Variants in CSPP1 observed in about 807,000 individuals in gnomAD.
CSPP1 encodes the protein centrosome and spindle pole associated protein 1.
CSPP1 carries 126 observed loss-of-function variants against 164.4 expected under a neutral mutation model. That is an observed-to-expected ratio of 0.77 (90% confidence interval 0.66 to 0.89). The LOEUF is 0.89. Among genes scored for constraint, CSPP1 ranks in the 40% least tolerant of loss-of-function variants. The pLI is 0.00. For synonymous variants in CSPP1, 472 were observed against 476.7 expected (o/e 0.99, Z 0.13); for missense variants, 1,395 against 1,449.8 (o/e 0.96, Z 0.61).
chr8:67,164,860 A>G lies in CSPP1; in HGVS notation c.2828+352A>G, dbSNP rs190456928. ...TTGCCAGGAGTCATAAATTTCATGA[A>G]GCAGTGTTCTTCAAACTTCAGTTTG... On this transcript the variant is annotated intron_variant, in intron 24 of 30. Transcript: ENST00000678616. Among the ~76,000 whole-genome samples the G allele has an allele frequency of 5.4e-4, 82 of 152,366 alleles. No homozygotes were observed. In the East Asian group the frequency reaches 0.015, roughly 29 times the overall value.
intron 1 of CSPP1, among the ~76,000 whole-genome samples, chr8:67,071,373 T>TA (rs1806739668): frequency 6.7e-6 from 1 of 150,346 alleles, no homozygotes; most frequent in African/African-American, 2.5e-5. Context: ...TTATTCCCTC[T>TA]GTTTTTTTTT....
At chr8:67,078,931 C>G (rs1303986263) in intron 3 of CSPP1, among the ~76,000 whole-genome samples, 1 of 151,968 alleles carries the variant, frequency 6.6e-6, no homozygotes, top group East Asian at 1.9e-4. Context: ...GAGATCATGC[C>G]CCTGCACTCC....
intron 17 of CSPP1, among the ~76,000 whole-genome samples, chr8:67,145,396 CT>C: frequency 6.6e-6 from 1 of 151,950 alleles, no homozygotes; most frequent in Admixed American, 6.6e-5. Flanking sequence ...ATAGAATCAG[CT>C]TTAGTTTTCA....
At chr8:67,071,523 A>G (rs917702369) in intron 1 of CSPP1, among the ~76,000 whole-genome samples, 1 of 152,128 alleles carries the variant, frequency 6.6e-6, no homozygotes, top group Non-Finnish European at 1.5e-5. Flanking sequence ...TAGTTAATGT[A>G]GTTCATTTTC....
intron 4 of CSPP1, among the ~76,000 whole-genome samples, chr8:67,088,562 A>G (rs1810908781): frequency 6.9e-6 from 1 of 145,694 alleles, no homozygotes; most frequent in South Asian, 2.5e-4. Flanking sequence ...TGCTGGGATT[A>G]CAGGCATGAG....
intron 24 of CSPP1, among the ~76,000 whole-genome samples, chr8:67,172,006 C>A (rs1418653586): frequency 1.3e-5 from 2 of 151,712 alleles, no homozygotes; most frequent in Non-Finnish European, 2.9e-5. Flanking sequence ...CGCCATCACA[C>A]CCAGCTAATT....
rs145948171 is a variant in CSPP1, at chr8:67,175,800, T to C, written c.3109+364T>C. On this transcript the variant is annotated intron_variant, in intron 26 of 30. Coordinates refer to ENST00000678616, the MANE Select transcript of CSPP1 (RefSeq NM_001382391.1). ...TGTCGGGCATTTGCCTACTGTGCCA[T>C]GTCAGGCATTTGTCTACTGTGGTGT... 1.5e-3 allele frequency among the ~76,000 whole-genome samples: 232 copies of C among 152,378 alleles called. 2 individuals are homozygous for C. Among genetic ancestry groups the C allele is most frequent in the East Asian group, 0.014 (71 of 5,188 alleles).
At chr8:67,151,902 AC>A in intron 18 of CSPP1, among the ~76,000 whole-genome samples, 1 of 151,952 alleles carries the variant, frequency 6.6e-6, no homozygotes, top group Non-Finnish European at 1.5e-5. Context: ...ATCCTGGCCT[AC>A]ATGGTGAAAC....
chr8:67,163,308 G>C lies in CSPP1; in HGVS notation c.2644-424G>C, dbSNP rs181227272. Among the ~76,000 whole-genome samples, 35 of 152,288 alleles carry C rather than the reference G, an allele frequency of 2.3e-4. 1 individual carries two copies. Among genetic ancestry groups the C allele is most frequent in the African/African-American group, 6.5e-4 (27 of 41,568 alleles). Reference sequence around the variant, plus strand: ...CAGCTGTGAAGGGAAGGACAGAATGGACAGGAGACAGTGAGCAATGAAGGA... The same window carrying C: ...CAGCTGTGAAGGGAAGGACAGAATGCACAGGAGACAGTGAGCAATGAAGGA... On this transcript the variant is annotated intron_variant, in intron 22 of 30. Transcript: ENST00000678616.
chr8:67,165,030 T>C (rs565156046), intron 24 of CSPP1, among the ~76,000 whole-genome samples: 1 of 152,350 alleles, frequency 6.6e-6, no homozygotes, highest in Admixed American at 6.5e-5. Flanking sequence ...ACGCCTGTAA[T>C]CCCAGCACTT....
chr8:67,143,991 T>C (rs1824004882), intron 17 of CSPP1, among the ~76,000 whole-genome samples: 1 of 152,236 alleles, frequency 6.6e-6, no homozygotes, highest in Admixed American at 6.5e-5. Flanking sequence ...TAAGAATTCA[T>C]GAGCGCAGAC....
At position 67,103,145 on chromosome 8, in the gene CSPP1, G is replaced by A. The variant is rs1454694512; in HGVS notation, c.1022+10G>A. 1.3e-6 allele frequency: 2 copies of A among 1,501,880 alleles called. No individual in the cohort carries two copies. The highest frequency in any genetic ancestry group is 1.9e-6 in the Non-Finnish European group (2 of 1,080,378). 93.0% of individuals were successfully genotyped at this position (1,501,880 alleles called of 1,614,324 possible). A position where few individuals can be genotyped will look rare whatever the true frequency, so the allele number is the denominator to read the frequency against. On this transcript the variant is annotated intron_variant, in intron 8 of 30. Coordinates refer to ENST00000678616, the MANE Select transcript of CSPP1 (RefSeq NM_001382391.1). ...CTGCTGAAAATAAAAGGTACAGTAT[G>A]TAATATAAATTCTCTGCTTTAGTCA... is the stretch of plus-strand genomic sequence containing the variant.
At chr8:67,130,518 T>C (rs1821014956) in intron 15 of CSPP1, among the ~76,000 whole-genome samples, 1 of 152,234 alleles carries the variant, frequency 6.6e-6, no homozygotes, top group African/African-American at 2.4e-5. Flanking sequence ...TAGGAACTAT[T>C]TGATCTAGTT....
intron 19 of CSPP1, among the ~76,000 whole-genome samples, chr8:67,155,446 T>G (rs1201207694): frequency 6.6e-6 from 1 of 152,224 alleles, no homozygotes; most frequent in African/African-American, 2.4e-5. Flanking sequence ...TTTTTAATCC[T>G]AATTATTCTT....
Position 67,195,739 on chromosome 8 carries a change from T to C in CSPP1, c.*146T>C, listed in dbSNP as rs1837812235. On this transcript the variant is annotated 3_prime_UTR_variant, in exon 31 of 31. Transcript: ENST00000678616. ...ATAAAATTATTTTTATCATGATGTA[T>C]ATTATGTACATAAATAAAAGGCCAT... The C allele has an allele frequency of 1.6e-6, 1 of 626,378 alleles. No homozygotes were observed. The highest frequency in any genetic ancestry group is 2.8e-5 in the East Asian group (1 of 36,012). The allele number at this position is 626,378 out of a possible 1,614,324, so 38.8% of individuals were successfully genotyped here.
At chr8:67,091,634 C>CT (rs1236263223) in intron 4 of CSPP1, among the ~76,000 whole-genome samples, 169 bp from the exon 5 acceptor site, 1 of 152,018 alleles carries the variant, frequency 6.6e-6, no homozygotes, top group Non-Finnish European at 1.5e-5. Context: ...TTTCCAAATG[C>CT]TTTTGGTATG....
chr8:67,088,660 GC>G (rs1430004695), intron 4 of CSPP1, among the ~76,000 whole-genome samples: 1 of 151,054 alleles, frequency 6.6e-6, no homozygotes, highest in Non-Finnish European at 1.5e-5. Flanking sequence ...ACTTTGGGAG[GC>G]AGAGGCGGGC....
At chr8:67,069,901 C>G (rs983848612) in intron 1 of CSPP1, among the ~76,000 whole-genome samples, 1 of 152,020 alleles carries the variant, frequency 6.6e-6, no homozygotes, top group African/African-American at 2.4e-5. Flanking sequence ...CTCAGGTGAT[C>G]CACCTGCCTC....
In CSPP1 at chr8:67,195,595, A is replaced by G; in HGVS notation, c.*2A>G. The G allele has an allele frequency of 1.2e-6, 2 of 1,612,892 alleles. No individual in the cohort carries two copies. The highest frequency in any genetic ancestry group is 2.2e-5 in the East Asian group (1 of 44,866). On this transcript the variant is annotated 3_prime_UTR_variant, in exon 31 of 31. Coordinates refer to ENST00000678616, the MANE Select transcript of CSPP1 (RefSeq NM_001382391.1). ...GGCCTGTCGACTGCACATGGTTAAA[A>G]TAAACCTGTACTGGACCCAGTAGTG...
Sources: gnomAD v4.1 joint callset for allele counts (sites outside exome capture counted in the v4.1 genomes callset) on GRCh38, gnomAD v4.1.1 for gene constraint, MANE v1.5 for transcripts, NCBI Gene and HGNC (gene_info 2026-07-23, HGNC 2026-07-21) for gene names.